SHLD1: variants seen among roughly 807,000 people sequenced by gnomAD.
SHLD1 encodes shieldin complex subunit 1.
In SHLD1, 3 loss-of-function variants were observed where a neutral mutation model predicts 5.5. That is an observed-to-expected ratio of 0.54 (90% CI 0.25 to 1.40). SHLD1 has a LOEUF of 1.40. SHLD1 is among the 40% of genes most tolerant of loss of function. The probability of loss-of-function intolerance (pLI) is 0.15; values close to 1 mark genes in which losing one functional copy is unlikely to be tolerated. For missense variants in SHLD1, 210 were observed against 244.4 expected (o/e 0.86, Z 0.94); for synonymous variants, 92 against 94.3 (o/e 0.98, Z 0.14).
chr20:5,819,511 T>A (rs913552385), intron 2 of SHLD1, among the ~76,000 whole-genome samples: 1 of 152,248 alleles, frequency 6.6e-6, no homozygotes, highest in African/African-American at 2.4e-5. Context: ...ATTGTCATGT[T>A]GGCTGTTGTC....
chr20:5,773,013 TC>T lies in SHLD1; in HGVS notation c.149del (p.Ser50PhefsTer15). The T allele has an allele frequency of 2.0e-5, 32 of 1,614,212 alleles. No homozygotes were observed. Among genetic ancestry groups the T allele is most frequent in the Non-Finnish European group, 2.7e-5 (32 of 1,180,032 alleles). On this transcript the variant is annotated frameshift_variant, in exon 2 of 3. Transcript: ENST00000303142. LOFTEE classifies it low-confidence loss of function (END_TRUNC). ...SEAFSSLEFH[S>X]FPYSSDVDPD... ...GGCTTTCAGTTCTTTGGAATTCCAT[TC>T]TTTTCCTTATTCTTCTGATGTGGAT...
chr20:5,803,961 G>C (rs4815863), intron 2 of SHLD1, among the ~76,000 whole-genome samples: 30,315 of 151,480 alleles, frequency 0.2, 3,438 homozygotes, highest in Non-Finnish European at 0.25. Context: ...TTGAGGGCCT[G>C]TCTTCTGCCC....
chr20:5,772,304 C>T (rs1408036342), intron 1 of SHLD1: 2 of 376,870 alleles, frequency 5.3e-6, no homozygotes, highest in African/African-American at 2.1e-5. Context: ...AACACAAGCA[C>T]TGTGATACCA....
intron 2 of SHLD1, among the ~76,000 whole-genome samples, chr20:5,794,547 T>C (rs2087184933): frequency 6.6e-6 from 1 of 152,262 alleles, no homozygotes; most frequent in South Asian, 2.1e-4. Context: ...ACTTTGGATA[T>C]AATTTTAGGC....
chr20:5,810,933 C>T (rs2087450391), intron 2 of SHLD1, among the ~76,000 whole-genome samples: 1 of 151,386 alleles, frequency 6.6e-6, no homozygotes, highest in South Asian at 2.1e-4. Context: ...CTTTTGTTAA[C>T]TCTGCAGATG....
chr20:5,775,922 G>GTTTTTTTTTTTTTTTTT (rs1391999872), intron 2 of SHLD1, among the ~76,000 whole-genome samples: 1 of 63,470 alleles, frequency 1.6e-5, no homozygotes, highest in African/African-American at 9.2e-5. Flanking sequence ...GTCAGCTCAG[G>GTTTTTTTTTTTTTTTTT]ATTTTTTTTT....
chr20:5,820,328 A>G (rs2087592489), intron 2 of SHLD1, among the ~76,000 whole-genome samples: 1 of 152,148 alleles, frequency 6.6e-6, no homozygotes, highest in African/African-American at 2.4e-5. Flanking sequence ...GCCAATAAAC[A>G]CTCAACGGAT....
chr20:5,750,296 C>T (rs1983650191), upstream of SHLD1: 1 of 152,104 alleles, frequency 6.6e-6, no homozygotes, highest in African/African-American at 2.4e-5. Flanking sequence ...TCAACATGGC[C>T]GCGACCGGCT....
chr20:5,758,639 T>G (rs758163361), intron 1 of SHLD1, among the ~76,000 whole-genome samples: 12 of 152,156 alleles, frequency 7.9e-5, no homozygotes, highest in Non-Finnish European at 1.2e-4. Flanking sequence ...CAGGCTGGTC[T>G]CAAACTGCTG....
intron 1 of SHLD1, among the ~76,000 whole-genome samples, chr20:5,758,970 T>C (rs1436421652): frequency 3.2e-4 from 48 of 149,040 alleles, no homozygotes; most frequent in Admixed American, 1.5e-3. Context: ...TTTTTTTTTT[T>C]CTGAGATGGA....
intron 1 of SHLD1, 41 bp from the exon 2 acceptor site, chr20:5,772,821 G>C (rs762457407): frequency 6.9e-5 from 107 of 1,541,844 alleles, no homozygotes; most frequent in Non-Finnish European, 9.2e-5. Flanking sequence ...CCTGCTATGT[G>C]GTGCCTTTTG....
intron 2 of SHLD1, among the ~76,000 whole-genome samples, chr20:5,846,387 A>G (rs1044551481): frequency 3.9e-5 from 6 of 152,232 alleles, no homozygotes; most frequent in African/African-American, 1.2e-4. Flanking sequence ...TTGAAGCATC[A>G]TCTTAATTAG....
At chr20:5,753,230 G>T (rs1020745773) in intron 1 of SHLD1, among the ~76,000 whole-genome samples, 3 of 152,144 alleles carry the variant, frequency 2.0e-5, no homozygotes, top group Non-Finnish European at 4.4e-5. Flanking sequence ...AAGATTTTAT[G>T]GTCTGTAGGA....
At chr20:5,788,114 G>A (rs2087086196) in intron 2 of SHLD1, among the ~76,000 whole-genome samples, 1 of 152,080 alleles carries the variant, frequency 6.6e-6, no homozygotes, top group Non-Finnish European at 1.5e-5. Flanking sequence ...TGCAATTATG[G>A]CTTTAAGGAT....
At chr20:5,843,011 C>T (rs948936190) in intron 2 of SHLD1, among the ~76,000 whole-genome samples, 1 of 152,194 alleles carries the variant, frequency 6.6e-6, no homozygotes, top group Non-Finnish European at 1.5e-5. Context: ...GCCTTGTTTG[C>T]TGGCTCACTT....
chr20:5,844,786 T>C (rs2087908081), intron 2 of SHLD1, among the ~76,000 whole-genome samples: 1 of 104,482 alleles, frequency 9.6e-6, no homozygotes, highest in Non-Finnish European at 1.8e-5. Context: ...TATATATATA[T>C]ATATATATAT....
At chr20:5,769,372 A>T (rs1313122014) in intron 1 of SHLD1, among the ~76,000 whole-genome samples, 2 of 152,238 alleles carry the variant, frequency 1.3e-5, no homozygotes, top group African/African-American at 4.8e-5. Flanking sequence ...TGATGAAGAA[A>T]ACAGGGTAAA....
chr20:5,780,684 C>T (rs1340998722), intron 2 of SHLD1, among the ~76,000 whole-genome samples: 1 of 152,216 alleles, frequency 6.6e-6, no homozygotes, highest in African/African-American at 2.4e-5. Flanking sequence ...TGACCATGGG[C>T]CTATCCCTGC....
intron 2 of SHLD1, among the ~76,000 whole-genome samples, chr20:5,848,111 A>C (rs2087953503): frequency 6.6e-6 from 1 of 152,248 alleles, no homozygotes; most frequent in African/African-American, 2.4e-5. Context: ...AGCATGCAAA[A>C]CTTTGTATTT....
Sources: gnomAD v4.1 joint callset for allele counts (sites outside exome capture counted in the v4.1 genomes callset) on GRCh38, gnomAD v4.1.1 for gene constraint, MANE v1.5 for transcripts, NCBI Gene and HGNC (gene_info 2026-07-23, HGNC 2026-07-21) for gene names.